The following TRIM16 variants were observed in gnomAD, a reference collection of about 807,000 sequenced individuals.
The protein encoded by TRIM16 is tripartite motif-containing protein 16.
TRIM16 carries 33 observed loss-of-function variants against 50.4 expected under a neutral mutation model. That is an observed-to-expected ratio of 0.65 (90% confidence interval 0.50 to 0.88). The LOEUF (loss-of-function observed/expected upper bound fraction) is 0.88, where lower values mean the gene tolerates loss of function less well. Among genes scored for constraint, TRIM16 ranks in the 40% least tolerant of loss-of-function variants. The pLI, the probability that TRIM16 is intolerant of heterozygous loss-of-function variation, is 0.00. For synonymous variants in TRIM16, 229 were observed against 270.7 expected, an observed-to-expected ratio of 0.85 and a Z score of 1.51; for missense variants, 581 against 686.8, an observed-to-expected ratio of 0.85 and a Z score of 1.72.
intron 9 of TRIM16, among the ~76,000 whole-genome samples, chr17:15,633,540 CT>C (rs555202357): frequency 0.056 from 7,234 of 128,578 alleles, 727 homozygotes; most frequent in African/African-American, 0.19. Flanking sequence ...AAATAAATAT[CT>C]TTTTTTTTTT....
chr17:15,651,420 C>T lies in TRIM16; in HGVS notation c.190G>A (p.Glu64Lys), dbSNP rs763651571. ...CCCTCACCAGCAGGATCCCCCTGCT[C>T]TGCAGAGTCGCTGTCCTGTTCCTCC... is the stretch of plus-strand genomic sequence containing the variant. ...ETEEQDSDSA[E>K]QGDPAGEGKE... Residue 64 changes from glutamate (E) to lysine (K), a missense_variant, in exon 7 of 12, where the codon GAG (glutamate) becomes AAG (lysine). By Grantham distance (56) the Glu-to-Lys change is moderately conservative. Transcript: ENST00000649191. The T allele has an allele frequency of 9.9e-6, 16 of 1,613,934 alleles. No homozygotes were observed. The South Asian group carries it at 1.6e-4, about 17-fold the overall frequency.
At chr17:15,648,104 T>C (rs1225804548) in intron 7 of TRIM16, among the ~76,000 whole-genome samples, 1 of 151,738 alleles carries the variant, frequency 6.6e-6, no homozygotes, top group Non-Finnish European at 1.5e-5. Context: ...CGAGCACCTG[T>C]AGTCCCAGCT....
At chr17:15,637,335 G>A (rs1597610094) in intron 8 of TRIM16, among the ~76,000 whole-genome samples, 3 of 114,804 alleles carry the variant, frequency 2.6e-5, no homozygotes, top group African/African-American at 4.0e-5. Flanking sequence ...CACCCCGTCC[G>A]GGAGGGAGAT....
chr17:15,633,728 G>C (rs546233731), intron 9 of TRIM16, among the ~76,000 whole-genome samples: 2 of 149,350 alleles, frequency 1.3e-5, no homozygotes, highest in South Asian at 4.4e-4. Context: ...TTTTAGTAGA[G>C]ACAGGGTTTC....
intron 7 of TRIM16, among the ~76,000 whole-genome samples, chr17:15,650,386 G>T (rs1987627867): frequency 6.6e-6 from 1 of 151,910 alleles, no homozygotes; most frequent in Non-Finnish European, 1.5e-5. Context: ...TTTAGGCAAA[G>T]AAAAACGACT....
intron 9 of TRIM16, among the ~76,000 whole-genome samples, chr17:15,635,368 G>C (rs980224116): frequency 6.7e-6 from 1 of 148,796 alleles, no homozygotes; most frequent in South Asian, 2.2e-4. Context: ...TTTAGATCTC[G>C]TTCCAATGGC....
chr17:15,658,255 G>T (rs1167535223), intron 6 of TRIM16, among the ~76,000 whole-genome samples: 2 of 152,164 alleles, frequency 1.3e-5, no homozygotes, highest in African/African-American at 2.4e-5. Flanking sequence ...GGGGTTTAAG[G>T]CCATCATTCT....
intron 6 of TRIM16, among the ~76,000 whole-genome samples, chr17:15,652,988 C>A (rs1987800327): frequency 6.6e-6 from 1 of 152,180 alleles, no homozygotes; most frequent in Admixed American, 6.5e-5. Flanking sequence ...CTTGTTCCCA[C>A]AAACCTCATG....
chr17:15,645,625 G>A (rs961963011), intron 7 of TRIM16, among the ~76,000 whole-genome samples: 2 of 151,942 alleles, frequency 1.3e-5, no homozygotes, highest in African/African-American at 4.8e-5. Flanking sequence ...TGCATTTAAA[G>A]CTGCGAGTCA....
intron 4 of TRIM16, among the ~76,000 whole-genome samples, chr17:15,679,431 G>T (rs953270410): frequency 2.0e-5 from 3 of 152,228 alleles, no homozygotes; most frequent in Admixed American, 2.0e-4. Context: ...AAAGCAAACT[G>T]TTTCTAGATC....
At chr17:15,676,757 T>C (rs1218897717) in intron 6 of TRIM16, among the ~76,000 whole-genome samples, 1 of 151,222 alleles carries the variant, frequency 6.6e-6, no homozygotes, top group Non-Finnish European at 1.5e-5. Context: ...TTTTCTTTGT[T>C]ACTCCCTCAC....
At chr17:15,664,929 G>A (rs1364425075) in intron 6 of TRIM16, among the ~76,000 whole-genome samples, 1 of 151,974 alleles carries the variant, frequency 6.6e-6, no homozygotes, top group Non-Finnish European at 1.5e-5. Context: ...CTACTTGGGA[G>A]GGTGAGGTGG....
chr17:15,665,246 C>T (rs1988434811), intron 6 of TRIM16, among the ~76,000 whole-genome samples: 2 of 152,186 alleles, frequency 1.3e-5, no homozygotes, highest in East Asian at 3.9e-4. Flanking sequence ...GGCGCAGTGG[C>T]TCATGCCTGT....
At chr17:15,637,849 G>T (rs1211605131) in intron 8 of TRIM16, among the ~76,000 whole-genome samples, 1 of 123,664 alleles carries the variant, frequency 8.1e-6, no homozygotes, top group Non-Finnish European at 1.7e-5. Flanking sequence ...GATGGTTGCC[G>T]TGTCTGTGTA....
chr17:15,628,577 C>G lies in TRIM16; in HGVS notation c.*38G>C, dbSNP rs1303924080. The G allele has an allele frequency of 2.0e-6, 3 of 1,533,474 alleles. No individual in the cohort carries two copies. The highest frequency in any genetic ancestry group is 2.6e-6 in the Non-Finnish European group (3 of 1,137,930). 95.0% of individuals were successfully genotyped at this position (1,533,474 alleles called of 1,614,324 possible). ...TCACCCTAAAATGCAAATCCCATCA[C>G]TGTAGCTGGCAAAGGTCTGGGATAT... On this transcript the variant is annotated 3_prime_UTR_variant, in exon 12 of 12. Coordinates refer to ENST00000649191, the MANE Select transcript of TRIM16 (RefSeq NM_001348119.1).
Position 15,651,699 on chromosome 17 carries a change from T to G in TRIM16, c.-90A>C. On this transcript the variant is annotated 5_prime_UTR_variant, in exon 7 of 12. Transcript: ENST00000649191. ...GTCAGACAAGAGAACCACGCCTAGA[T>G]GATTGCAGCTGCTGCAAGATTTTAA... The G allele has an allele frequency of 6.5e-7, 1 of 1,546,370 alleles. No individual in the cohort carries two copies. Among genetic ancestry groups the G allele is most frequent in the Non-Finnish European group, 8.7e-7 (1 of 1,149,700 alleles).
intron 4 of TRIM16, among the ~76,000 whole-genome samples, chr17:15,679,083 T>C (rs1447556184): frequency 6.6e-6 from 1 of 152,172 alleles, no homozygotes; most frequent in Non-Finnish European, 1.5e-5. Context: ...CTCACCATGT[T>C]GTCCAGGCTG....
Position 15,627,993 on chromosome 17 carries a change from ACT to A in TRIM16, c.*620_*621del, listed in dbSNP as rs1327123375. 1.3e-5 allele frequency: 2 copies of A among 152,080 alleles called. No homozygotes were observed. Among genetic ancestry groups the A allele is most frequent in the South Asian group, 2.1e-4 (1 of 4,802 alleles). 9.4% of individuals were successfully genotyped at this position (152,080 alleles called of 1,614,324 possible). On this transcript the variant is annotated 3_prime_UTR_variant, in exon 12 of 12. Transcript: ENST00000649191. The stretch of plus-strand genomic sequence containing the variant: ...CGCAAGTTAGCAATTTATTATGATA[ACT>A]CTGCAATCTTTTCAGCCACTCTTTA...
At chr17:15,655,790 G>A (rs533521525) in intron 6 of TRIM16, among the ~76,000 whole-genome samples, 183 of 152,272 alleles carry the variant, frequency 1.2e-3, no homozygotes, top group African/African-American at 4.3e-3. Flanking sequence ...TAGCCAGGAT[G>A]GTCTCAATCT....
Sources: gnomAD v4.1 joint callset for allele counts (sites outside exome capture counted in the v4.1 genomes callset) on GRCh38, gnomAD v4.1.1 for gene constraint, MANE v1.5 for transcripts, NCBI Gene and HGNC (gene_info 2026-07-23, HGNC 2026-07-21) for gene names.